Variants in UPP2 observed in about 807,000 individuals in gnomAD.
The protein encoded by UPP2 is UPase 2.
Under a neutral mutation model 26.7 loss-of-function variants are expected in UPP2, and 23 were observed. The ratio of observed to expected loss-of-function variants is 0.86; its 90% CI spans 0.62 to 1.22. The LOEUF is 1.22. Among genes scored for constraint, UPP2 ranks in the 50% most tolerant of loss-of-function variants. The pLI is 0.00. For missense variants in UPP2, 387 were observed against 396.7 expected, an observed-to-expected ratio of 0.98 and a Z score of 0.21; for synonymous variants, 127 against 141.3, an observed-to-expected ratio of 0.90 and a Z score of 0.72.
chr2:158,010,701 A>G (rs1432062990), intron 2 of UPP2, among the ~76,000 whole-genome samples: 2 of 152,138 alleles, frequency 1.3e-5, no homozygotes, highest in Admixed American at 6.5e-5. Flanking sequence ...CAGTTATATT[A>G]ATAGGTAAAA....
chr2:158,029,183 T>C (rs1421872660), intron 3 of UPP2, among the ~76,000 whole-genome samples: 2 of 152,254 alleles, frequency 1.3e-5, no homozygotes, highest in East Asian at 3.8e-4. Flanking sequence ...TCTCCAAATA[T>C]TTAGAGATAT....
At position 158,027,006 on chromosome 2, in the gene UPP2, G is replaced by A. The variant is rs938167154; in HGVS notation, c.147+11120G>A. On this transcript the variant is annotated intron_variant, in intron 3 of 9. Transcript: ENST00000605860. ...CCCATGATTCAAATTATCTCGCACC[G>A]GGTCCCTCTCACAACACTTGTGAAT... 3.9e-5 allele frequency among the ~76,000 whole-genome samples: 6 copies of A among 152,194 alleles called. No homozygotes were observed. The South Asian group carries it at 6.2e-4, about 16-fold the overall frequency.
rs571217122 is a variant in UPP2, at chr2:158,078,974, A to C, written c.148-23066A>C. 8.1e-4 allele frequency among the ~76,000 whole-genome samples: 124 copies of C among 152,244 alleles called. 1 individual carries two copies. Among genetic ancestry groups the C allele is most frequent in the African/African-American group, 2.6e-3 (110 of 41,558 alleles). On this transcript the variant is annotated intron_variant, in intron 3 of 9. Coordinates refer to the UPP2 transcript ENST00000605860. Reference sequence around the variant, plus strand: ...ATGTCAAAAGTGGGACCAGGTGGTGATAATTGAATCATGGGGGCAGTTTCC... The same window carrying C: ...ATGTCAAAAGTGGGACCAGGTGGTGCTAATTGAATCATGGGGGCAGTTTCC...
At position 158,115,088 on chromosome 2, in the gene UPP2, TTTTTATTAACAG is replaced by T. The variant is rs1683396831; in HGVS notation, c.181-9_183del. The T allele has an allele frequency of 3.1e-6, 5 of 1,587,414 alleles. No homozygotes were observed. The East Asian group carries it at 9.0e-5, about 28-fold the overall frequency. On this transcript the variant is annotated splice_acceptor_variant and splice_polypyrimidine_tract_variant and intron_variant, in intron 2 of 6. Coordinates refer to ENST00000005756, the MANE Select transcript of UPP2 (RefSeq NM_173355.4). LOFTEE classifies it high-confidence loss of function. ...AGTTACTATGGCAGGCCCTTGTTTA[TTTTTATTAACAG>T]TTTGTCTGTGTCGGTGGGAGCCCCA... is the stretch of plus-strand genomic sequence containing the variant.
At chr2:158,007,777 C>T (rs534345556) in intron 2 of UPP2, among the ~76,000 whole-genome samples, 1 of 152,166 alleles carries the variant, frequency 6.6e-6, no homozygotes, top group East Asian at 1.9e-4. Context: ...CGCACCACCA[C>T]ATCTGGCTAG....
At chr2:158,007,604 G>GA (rs1171591036) in intron 2 of UPP2, among the ~76,000 whole-genome samples, 6 of 151,508 alleles carry the variant, frequency 4.0e-5, no homozygotes. Context: ...AGGAGCGTGG[G>GA]TTTTTCACGT....
At position 158,117,940 on chromosome 2, in the gene UPP2, T is replaced by C; in HGVS notation, c.454+2T>C. Reference sequence around the variant, plus strand: ...GAATCGGTACATCAGGGGGAATAGGTGAGACGGATTGATGTCTACTATTAG... The same window carrying C: ...GAATCGGTACATCAGGGGGAATAGGCGAGACGGATTGATGTCTACTATTAG... On this transcript the variant is annotated splice_donor_variant, in intron 4 of 6. Transcript: ENST00000005756. LOFTEE classifies it high-confidence loss of function. 1.9e-6 allele frequency: 3 copies of C among 1,597,146 alleles called. No homozygotes were observed. Among genetic ancestry groups the C allele is most frequent in the Non-Finnish European group, 2.6e-6 (3 of 1,164,344 alleles).
chr2:158,080,759 C>T (rs1439965891), intron 3 of UPP2, among the ~76,000 whole-genome samples: 1 of 152,076 alleles, frequency 6.6e-6, no homozygotes, highest in African/African-American at 2.4e-5. Flanking sequence ...CCAGACTGTG[C>T]CCTCATTAGT....
At chr2:158,040,574 TGAA>T (rs1489559391) in intron 3 of UPP2, among the ~76,000 whole-genome samples, 2 of 152,222 alleles carry the variant, frequency 1.3e-5, no homozygotes, top group Non-Finnish European at 2.9e-5. Flanking sequence ...AATGGGTCAC[TGAA>T]GAAGAATATA....
At chr2:158,038,390 A>G (rs1684035299) in intron 3 of UPP2, among the ~76,000 whole-genome samples, 1 of 152,268 alleles carries the variant, frequency 6.6e-6, no homozygotes, top group Admixed American at 6.5e-5. Context: ...AACCAGATTG[A>G]TAACCCCATT....
chr2:158,050,586 C>T (rs545459029), intron 3 of UPP2, among the ~76,000 whole-genome samples: 10 of 152,114 alleles, frequency 6.6e-5, no homozygotes, highest in African/African-American at 1.7e-4. Flanking sequence ...TCCCTTGAGC[C>T]TGGAAGTTCC....
intron 1 of UPP2, among the ~76,000 whole-genome samples, chr2:158,103,615 G>A (rs552636111): frequency 1.3e-5 from 2 of 152,306 alleles, no homozygotes; most frequent in South Asian, 2.1e-4. Flanking sequence ...TTTCCAGGTC[G>A]TGAAAGTAGT....
At chr2:158,102,238 A>G in intron 1 of UPP2, 113 bp downstream of exon 1, 1 of 1,097,534 alleles carries the variant, frequency 9.1e-7, no homozygotes, top group African/African-American at 1.6e-5. Flanking sequence ...TTAAATGTAG[A>G]GATTATATCA....
At chr2:158,068,788 ATATATATATATATATTTTTTTTTTTTTT>A (rs1682482650) in intron 3 of UPP2, among the ~76,000 whole-genome samples, 5 of 21,688 alleles carry the variant, frequency 2.3e-4, no homozygotes, top group Non-Finnish European at 3.1e-4. Flanking sequence ...ATATATATAT[ATATATATATATATATTTTTTTTTTTTTT>A]TTTTTTTTTT....
chr2:158,062,798 C>T (rs1386525998), intron 3 of UPP2, among the ~76,000 whole-genome samples: 1 of 152,216 alleles, frequency 6.6e-6, no homozygotes, highest in Non-Finnish European at 1.5e-5. Flanking sequence ...TAGAAACCAG[C>T]TGAACTATAA....
At chr2:158,081,573 C>T (rs989264522) in intron 3 of UPP2, among the ~76,000 whole-genome samples, 7 of 152,174 alleles carry the variant, frequency 4.6e-5, no homozygotes, top group East Asian at 1.9e-4. Context: ...ATCTAAGTGT[C>T]GATCAGTGGT....
chr2:158,108,887 C>CGTGTGTGTGTGTGT (rs748328980), intron 2 of UPP2, among the ~76,000 whole-genome samples: 3 of 133,128 alleles, frequency 2.3e-5, no homozygotes, highest in Admixed American at 7.6e-5. Context: ...GAGGCAAAAG[C>CGTGTGTGTGTGTGT]GTGTGTGTGT....
intron 6 of UPP2, among the ~76,000 whole-genome samples, chr2:158,130,361 G>A (rs1046361443): frequency 6.6e-6 from 1 of 150,750 alleles, no homozygotes; most frequent in East Asian, 2.0e-4. Flanking sequence ...TGAGGGAGGA[G>A]AATGGCGTGA....
At chr2:158,094,308 C>T (rs1682955248) in intron 3 of UPP2, among the ~76,000 whole-genome samples, 1 of 151,976 alleles carries the variant, frequency 6.6e-6, no homozygotes. Flanking sequence ...ACTACACAGG[C>T]ATCTAATATA....
Sources: gnomAD v4.1 joint callset for allele counts (sites outside exome capture counted in the v4.1 genomes callset) on GRCh38, gnomAD v4.1.1 for gene constraint, MANE v1.5 for transcripts, NCBI Gene and HGNC (gene_info 2026-07-23, HGNC 2026-07-21) for gene names.